Variants in ADGRB3 observed in about 807,000 individuals in gnomAD.
ADGRB3 encodes the protein adhesion G protein-coupled receptor B3, also known as brain-specific angiogenesis inhibitor 3.
Under a neutral mutation model 193.4 loss-of-function variants are expected in ADGRB3, and 37 were observed. That is an observed-to-expected ratio of 0.19 (90% CI 0.15 to 0.25). ADGRB3 has a LOEUF of 0.25. Ranked by LOEUF, ADGRB3 falls within the 10% of genes least tolerant of loss-of-function variation. The pLI is 1.00. For synonymous variants in ADGRB3, 690 were observed against 644.2 expected, an observed-to-expected ratio of 1.07 and a Z score of -1.08; for missense variants, 1,637 against 1,852.9, an observed-to-expected ratio of 0.88 and a Z score of 2.14.
chr6:68,970,784 A>G (rs1240402324), intron 8 of ADGRB3, among the ~76,000 whole-genome samples: 1 of 152,204 alleles, frequency 6.6e-6, no homozygotes, highest in East Asian at 1.9e-4. Flanking sequence ...GAAATAACCA[A>G]TGAGGTTGTT....
intron 17 of ADGRB3, among the ~76,000 whole-genome samples, chr6:69,223,139 A>G (rs2127251098): frequency 6.6e-6 from 1 of 152,270 alleles, no homozygotes; most frequent in South Asian, 2.1e-4. Flanking sequence ...GAGGACTCCC[A>G]TTTTCAAAAT....
At chr6:69,321,726 C>G (rs1376527993) in intron 20 of ADGRB3, among the ~76,000 whole-genome samples, 1 of 151,764 alleles carries the variant, frequency 6.6e-6, no homozygotes, top group African/African-American at 2.4e-5. Context: ...GCTGATGTGT[C>G]ATTTGTGGAA....
chr6:69,285,454 G>A (rs555773966), intron 20 of ADGRB3, among the ~76,000 whole-genome samples: 17 of 152,130 alleles, frequency 1.1e-4, no homozygotes, highest in African/African-American at 4.1e-4. Flanking sequence ...GCTGAGATGG[G>A]AGGATCAGGA....
At chr6:68,851,480 A>G (rs1439422735) in intron 3 of ADGRB3, among the ~76,000 whole-genome samples, 1 of 151,936 alleles carries the variant, frequency 6.6e-6, no homozygotes, top group Non-Finnish European at 1.5e-5. Flanking sequence ...CATATACATT[A>G]TCAAATGATT....
intron 15 of ADGRB3, among the ~76,000 whole-genome samples, chr6:69,052,811 T>C (rs1771438087): frequency 6.6e-6 from 1 of 152,246 alleles, no homozygotes; most frequent in Non-Finnish European, 1.5e-5. Flanking sequence ...GAAGGAAATA[T>C]GCTTCAGATG....
At chr6:69,063,949 C>A (rs2150308390) in intron 16 of ADGRB3, among the ~76,000 whole-genome samples, 1 of 151,116 alleles carries the variant, frequency 6.6e-6, no homozygotes, top group East Asian at 1.9e-4. Flanking sequence ...TTTATCCTTG[C>A]AAAGTTTTTA....
At chr6:69,070,569 G>A (rs1272865939) in intron 16 of ADGRB3, among the ~76,000 whole-genome samples, 1 of 152,078 alleles carries the variant, frequency 6.6e-6, no homozygotes, top group African/African-American at 2.4e-5. Flanking sequence ...AATGTTTTCA[G>A]CATGTTATTT....
At chr6:69,134,337 A>G (rs552885664) in intron 17 of ADGRB3, among the ~76,000 whole-genome samples, 171 of 152,064 alleles carry the variant, frequency 1.1e-3, no homozygotes, top group Non-Finnish European at 2.3e-3. Context: ...TTTCCTCATC[A>G]TTGTAACTTC....
intron 29 of ADGRB3, among the ~76,000 whole-genome samples, chr6:69,368,856 G>T (rs1312908136): frequency 6.6e-6 from 1 of 152,078 alleles, no homozygotes; most frequent in East Asian, 1.9e-4. Context: ...GAATTTTAAT[G>T]GAGTATTGAG....
chr6:69,373,361 A>G (rs1340360371), intron 30 of ADGRB3, among the ~76,000 whole-genome samples: 1 of 152,018 alleles, frequency 6.6e-6, no homozygotes, highest in East Asian at 1.9e-4. Flanking sequence ...AATGTACATC[A>G]TGTGTCAAAA....
intron 8 of ADGRB3, 93 bp from the exon 9 acceptor site, chr6:68,974,670 G>A (rs190725217): frequency 2.3e-5 from 21 of 913,024 alleles, no homozygotes; most frequent in African/African-American, 2.0e-4. Context: ...AAACTAAAGA[G>A]CTCTGCAGTT....
intron 3 of ADGRB3, among the ~76,000 whole-genome samples, chr6:68,748,572 T>C (rs2127345870): frequency 6.6e-6 from 1 of 152,298 alleles, no homozygotes; most frequent in African/African-American, 2.4e-5. Context: ...GCTCTGACCC[T>C]GTGGCTTTGC....
chr6:69,388,662 G>C (rs753872246), intron 31 of ADGRB3, 41 bp from the exon 32 acceptor site: 19 of 1,562,750 alleles, frequency 1.2e-5, no homozygotes, highest in Non-Finnish European at 1.6e-5. Context: ...GGTGATCCTG[G>C]TCATCACATA....
At chr6:68,854,491 C>A (rs1261986213) in intron 3 of ADGRB3, among the ~76,000 whole-genome samples, 1 of 151,926 alleles carries the variant, frequency 6.6e-6, no homozygotes, top group Non-Finnish European at 1.5e-5. Context: ...ATGTAATACA[C>A]AATAAATAGA....
chr6:69,000,699 C>A (rs1769550465), intron 11 of ADGRB3, among the ~76,000 whole-genome samples: 1 of 152,180 alleles, frequency 6.6e-6, no homozygotes, highest in Admixed American at 6.5e-5. Context: ...TCATGTTAGA[C>A]CTCAGCTAGA....
At chr6:68,886,225 G>T (rs1433689534) in intron 3 of ADGRB3, among the ~76,000 whole-genome samples, 1 of 152,018 alleles carries the variant, frequency 6.6e-6, no homozygotes, top group African/African-American at 2.4e-5. Context: ...GCAAGCTGGT[G>T]TTTACCTTGC....
chr6:69,210,169 T>TATATATATATATATATATATATATAA (rs1195654301), intron 17 of ADGRB3, among the ~76,000 whole-genome samples: 2 of 131,124 alleles, frequency 1.5e-5, no homozygotes, highest in African/African-American at 6.0e-5. Context: ...TATATATATA[T>TATATATATATATATATATATATATAA]AAAGGGGAGT....
intron 3 of ADGRB3, among the ~76,000 whole-genome samples, chr6:68,799,406 A>G (rs1248337734): frequency 6.6e-6 from 1 of 152,186 alleles, no homozygotes; most frequent in Non-Finnish European, 1.5e-5. Flanking sequence ...GTTTGGGGAG[A>G]AAGAGTTATT....
chr6:68,892,406 T>G (rs1202276718), intron 3 of ADGRB3, among the ~76,000 whole-genome samples: 1 of 152,210 alleles, frequency 6.6e-6, no homozygotes, highest in Non-Finnish European at 1.5e-5. Context: ...TTCTTGCTTT[T>G]CATCTTTCAG....
Sources: gnomAD v4.1 joint callset for allele counts (sites outside exome capture counted in the v4.1 genomes callset) on GRCh38, gnomAD v4.1.1 for gene constraint, MANE v1.5 for transcripts, NCBI Gene and HGNC (gene_info 2026-07-23, HGNC 2026-07-21) for gene names.